GPRC6A: variants seen among roughly 807,000 people sequenced by gnomAD.
The protein encoded by GPRC6A is G protein-coupled receptor family C group 6 member A.
GPRC6A carries 54 observed loss-of-function variants against 47.0 expected under a neutral mutation model. The observed-to-expected ratio is 1.15, with a 90% confidence interval of 0.92 to 1.44. The LOEUF (loss-of-function observed/expected upper bound fraction) is 1.44. GPRC6A is among the 40% of genes most tolerant of loss of function. GPRC6A has a pLI of 0.00. For missense variants in GPRC6A, 1,112 were observed against 1,105.5 expected (o/e 1.01, Z -0.08); for synonymous variants, 347 against 377.1 (o/e 0.92, Z 0.93).
At chr6:116,807,511 T>C (rs1043962566) in intron 2 of GPRC6A, among the ~76,000 whole-genome samples, 11 of 152,202 alleles carry the variant, frequency 7.2e-5, no homozygotes, top group African/African-American at 2.7e-4. Context: ...GGATATTATT[T>C]AAATACTTAG....
rs750471686 is a variant in GPRC6A, at chr6:116,792,851, T to C, written c.2072A>G (p.Asp691Gly). Residue 691 changes from aspartate (D) to glycine (G), a missense_variant, in exon 6 of 6, where the codon GAT (aspartate) becomes GGT (glycine). Coordinates refer to ENST00000310357, the MANE Select transcript of GPRC6A (RefSeq NM_148963.4). ...SLKILLAFSF[D>G]PKLQKFLKCL... ...CTTCAGAAATTTCTGTAATTTGGGATCAAAGCTGAAGGCTAGCAAAATTTT... is the reference window on the plus strand; with the variant it reads ...CTTCAGAAATTTCTGTAATTTGGGACCAAAGCTGAAGGCTAGCAAAATTTT... 3 of 1,613,916 alleles carry C rather than the reference T, an allele frequency of 1.9e-6. No homozygotes were observed. In the South Asian group the frequency reaches 3.3e-5, roughly 18 times the overall value.
chr6:116,820,888 G>GTAT (rs1180813869), intron 1 of GPRC6A, among the ~76,000 whole-genome samples: 2 of 151,878 alleles, frequency 1.3e-5, no homozygotes. Flanking sequence ...GAAATAAAGG[G>GTAT]TATTCAATTA....
intron 1 of GPRC6A, among the ~76,000 whole-genome samples, chr6:116,817,076 TGGGG>T: frequency 6.6e-6 from 1 of 152,284 alleles, no homozygotes; most frequent in Middle Eastern, 3.4e-3. Context: ...GCTCCACCTC[TGGGG>T]GCAGGGCACA....
intron 1 of GPRC6A, among the ~76,000 whole-genome samples, chr6:116,819,405 A>AT (rs1301830022): frequency 5.3e-5 from 8 of 151,278 alleles, no homozygotes; most frequent in Admixed American, 1.3e-4. Flanking sequence ...CAGAATATAC[A>AT]TTTTTTTCAG....
chr6:116,828,183 T>A (rs1773730247), intron 1 of GPRC6A, among the ~76,000 whole-genome samples: 1 of 152,108 alleles, frequency 6.6e-6, no homozygotes, highest in Non-Finnish European at 1.5e-5. Context: ...AATATCCTGT[T>A]CTCCTTAAGG....
intron 1 of GPRC6A, among the ~76,000 whole-genome samples, chr6:116,820,272 C>G (rs1299084695): frequency 6.6e-6 from 1 of 152,176 alleles, no homozygotes; most frequent in African/African-American, 2.4e-5. Flanking sequence ...TGAATTCTAG[C>G]AGAGGTAAAA....
At position 116,792,699 on chromosome 6, in the gene GPRC6A, G is replaced by C. The variant is rs765041932; in HGVS notation, c.2224C>G (p.Leu742Val). The C allele has an allele frequency of 1.2e-6, 2 of 1,613,128 alleles. No individual in the cohort carries two copies. The highest frequency in any genetic ancestry group is 1.7e-6 in the Non-Finnish European group (2 of 1,179,250). Residue 742 changes from leucine to valine, a missense_variant, in exon 6 of 6, where the codon CTG becomes GTG. By Grantham distance (32) the Leu-to-Val change is conservative. Coordinates refer to ENST00000310357, the MANE Select transcript of GPRC6A (RefSeq NM_148963.4). Reference sequence around the variant, plus strand: ...AGTATGGATCCCTCCTCACACTCCAGGATGATGACTCTGGGCAAGGAGACA... The same window carrying C: ...AGTATGGATCCCTCCTCACACTCCACGATGATGACTCTGGGCAAGGAGACA... Reference protein sequence around the residue: ...VNVSLPRVIILECEEGSILAF... With the variant: ...VNVSLPRVIIVECEEGSILAF...
Position 116,806,908 on chromosome 6 carries a change from A to G in GPRC6A, c.797T>C (p.Ile266Thr), listed in dbSNP as rs1042017666. The change falls in exon 3 of 6, where the codon ATT (isoleucine) becomes ACT (threonine). Residue 266 changes from isoleucine to threonine, a missense_variant. By Grantham distance (89) the Ile-to-Thr change is moderately conservative. Coordinates refer to ENST00000310357, the MANE Select transcript of GPRC6A (RefSeq NM_148963.4). ...VRINRTLKKI[I>T]LEAQVNVIVV... ...AATGACATTAACCTGGGCTTCTAAA[A>G]TGATTTTCTTCAGTGTCCGATTGAT... is the stretch of plus-strand genomic sequence containing the variant. 4 of 1,613,738 alleles carry G rather than the reference A, an allele frequency of 2.5e-6. No homozygotes were observed. In the Admixed American group the frequency reaches 6.7e-5, roughly 27 times the overall value.
chr6:116,800,347 CCTT>C (rs1417977561), intron 4 of GPRC6A, among the ~76,000 whole-genome samples: 1 of 126,652 alleles, frequency 7.9e-6, no homozygotes, highest in Non-Finnish European at 1.6e-5. Context: ...TTCCTTCTTT[CCTT>C]CTTTCTTTCT....
rs1582471068 is a variant in GPRC6A at position 116,815,362 on chromosome 6, G to A, written c.195-5745C>T. On this transcript the variant is annotated intron_variant, in intron 1 of 5. Coordinates refer to ENST00000310357, the MANE Select transcript of GPRC6A (RefSeq NM_148963.4). ...GCTAGGCATGGTGGTACACACCTGT[G>A]ATCCCAGCTACTTAGGAGGCTGAGG... Among the ~76,000 whole-genome samples the A allele has an allele frequency of 4.6e-5, 7 of 152,186 alleles. No individual in the cohort carries two copies. In the South Asian group the frequency reaches 1.5e-3, roughly 32 times the overall value.
At chr6:116,802,327 ACTG>A (rs1052998042) in intron 3 of GPRC6A, among the ~76,000 whole-genome samples, 1 of 152,160 alleles carries the variant, frequency 6.6e-6, no homozygotes, top group Non-Finnish European at 1.5e-5. Context: ...TAAGCTGTTA[ACTG>A]CTTTTTCATA....
In GPRC6A at chr6:116,829,059, T is replaced by C. The variant is rs1773765983; in HGVS notation, c.-46A>G. The C allele has an allele frequency of 6.4e-7, 1 of 1,567,964 alleles. No individual in the cohort carries two copies. The highest frequency in any genetic ancestry group is 2.3e-5 in the East Asian group (1 of 44,270). On this transcript the variant is annotated 5_prime_UTR_variant, in exon 1 of 6. Transcript: ENST00000310357. ...GTTCATGTGAGTTCTTAGGAATCAT[T>C]AAGTGCACGGAGTGCCAGCAAGATT...
intron 4 of GPRC6A, among the ~76,000 whole-genome samples, chr6:116,796,127 C>T (rs1370485068): frequency 6.6e-6 from 1 of 151,838 alleles, no homozygotes; most frequent in Admixed American, 6.6e-5. Flanking sequence ...AGTACTAGAA[C>T]TAAAGAAAAT....
In GPRC6A at chr6:116,809,389, C is replaced by T; in HGVS notation, c.423G>A (p.Lys141=). ...CTGAGTACCCAGAACCTATGACAGC[C>T]TTAACTCTTGGCATGTAGCTGGAAT... ...CDYSSYMPRV[K]AVIGSGYSEI... is the part of the protein sequence containing the mutation. The change falls in exon 2 of 6, where the codon AAG becomes AAA. Residue 141 remains lysine, a synonymous_variant. Transcript: ENST00000310357. 6.2e-7 allele frequency: 1 copy of T among 1,613,616 alleles called. No homozygotes were observed. Among genetic ancestry groups the T allele is most frequent in the Non-Finnish European group, 8.5e-7 (1 of 1,179,666 alleles).
At chr6:116,820,752 A>T (rs1271851146) in intron 1 of GPRC6A, among the ~76,000 whole-genome samples, 1 of 151,398 alleles carries the variant, frequency 6.6e-6, no homozygotes. Flanking sequence ...AGCCAATATC[A>T]TACTGAATGG....
At chr6:116,794,758 A>G (rs998703218) in intron 5 of GPRC6A, among the ~76,000 whole-genome samples, 1 of 152,180 alleles carries the variant, frequency 6.6e-6, no homozygotes, top group Non-Finnish European at 1.5e-5. Context: ...TATAAACATT[A>G]TTAAACATAC....
At chr6:116,813,173 C>T (rs1773084182) in intron 1 of GPRC6A, among the ~76,000 whole-genome samples, 1 of 152,084 alleles carries the variant, frequency 6.6e-6, no homozygotes, top group African/African-American at 2.4e-5. Context: ...ATGAAAATGG[C>T]CATACTACCC....
At chr6:116,799,408 G>A (rs563805636) in intron 4 of GPRC6A, among the ~76,000 whole-genome samples, 19 of 152,294 alleles carry the variant, frequency 1.2e-4, no homozygotes, top group African/African-American at 4.6e-4. Flanking sequence ...ACTAGCAAAG[G>A]AGACAGAGAA....
chr6:116,805,951 A>T (rs1319535932), intron 3 of GPRC6A, among the ~76,000 whole-genome samples: 1 of 152,118 alleles, frequency 6.6e-6, no homozygotes, highest in Non-Finnish European at 1.5e-5. Flanking sequence ...GAGTCAGAAG[A>T]CCCAGACTGC....
Sources: allele counts gnomAD v4.1 joint callset (sites outside exome capture counted in the v4.1 genomes callset), GRCh38; gene constraint gnomAD v4.1.1; transcripts MANE v1.5; gene names NCBI Gene and HGNC (gene_info 2026-07-23, HGNC 2026-07-21).